CARD14: variants seen among roughly 807,000 people sequenced by gnomAD.
The protein encoded by CARD14 is caspase recruitment domain-containing protein 14.
In CARD14, 107 loss-of-function variants were observed where a neutral mutation model predicts 111.5. That is an observed-to-expected ratio of 0.96 (90% confidence interval 0.82 to 1.13). The LOEUF (loss-of-function observed/expected upper bound fraction) is 1.13, where lower values mean the gene tolerates loss of function less well. CARD14 is among the 50% of genes most tolerant of loss of function. CARD14 has a pLI of 0.00. For synonymous variants in CARD14, 617 were observed against 579.6 expected, an observed-to-expected ratio of 1.06 and a Z score of -0.93; for missense variants, 1,322 against 1,362.3, an observed-to-expected ratio of 0.97 and a Z score of 0.47.
In CARD14 at chr17:80,198,708, G is replaced by A; in HGVS notation, c.1851+117G>A. 1 of 1,591,488 alleles carries A rather than the reference G, an allele frequency of 6.3e-7. No individual in the cohort carries two copies. Among genetic ancestry groups the A allele is most frequent in the African/African-American group, 1.3e-5 (1 of 74,704 alleles). On this transcript the variant is annotated intron_variant, in intron 16 of 23. Coordinates refer to ENST00000648509, the MANE Select transcript of CARD14 (RefSeq NM_001366385.1). The surrounding 1 kb of genome is among the most constrained non-coding windows in gnomAD (Gnocchi z 7.5). ...GACGATGCAGATCCACTCTGGGCTG[G>A]GCCTCTGCTCTTTCCTGGGCTGACG...
At chr17:80,204,176 TG>T (rs1306481380) in intron 19 of CARD14, 50 bp from the exon 20 acceptor site, 1 of 1,518,438 alleles carries the variant, frequency 6.6e-7, no homozygotes, top group South Asian at 1.3e-5. Flanking sequence ...TTCCCATTCC[TG>T]TTGATGGCTT....
chr17:80,186,970 A>G (rs1177328030), intron 7 of CARD14, among the ~76,000 whole-genome samples: 1 of 152,264 alleles, frequency 6.6e-6, no homozygotes, highest in Non-Finnish European at 1.5e-5. Flanking sequence ...GTATGGACAT[A>G]TACATACACA....
At chr17:80,176,148 G>A (rs867202054) in intron 2 of CARD14, among the ~76,000 whole-genome samples, 2 of 146,798 alleles carry the variant, frequency 1.4e-5, no homozygotes, top group African/African-American at 5.0e-5. Flanking sequence ...TATAACTCAC[G>A]GCCAAACACA....
chr17:80,204,433 G>A, intron 20 of CARD14, 92 bp downstream of exon 20: 1 of 1,257,046 alleles, frequency 8.0e-7, no homozygotes, highest in Non-Finnish European at 1.1e-6. Flanking sequence ...GGGGCAGGGG[G>A]ATGCCACTCA....
chr17:80,171,850 T>C (rs1336347616), intron 1 of CARD14, among the ~76,000 whole-genome samples: 2 of 152,166 alleles, frequency 1.3e-5, no homozygotes, highest in African/African-American at 4.8e-5. Context: ...CAGACCCTCC[T>C]CAGGAGTCTT....
intron 16 of CARD14, among the ~76,000 whole-genome samples, chr17:80,199,688 G>A (rs946380824): frequency 6.6e-6 from 1 of 150,444 alleles, no homozygotes; most frequent in Admixed American, 6.6e-5. Flanking sequence ...AGACCAGCCT[G>A]GACAACATGG....
chr17:80,190,625 AAAAAG>A, intron 9 of CARD14, 144 bp from the exon 10 acceptor site: 25 of 870,392 alleles, frequency 2.9e-5, no homozygotes, highest in South Asian at 7.5e-5. Context: ...AAAAAAAAAA[AAAAAG>A]AGAGAGAGAG....
chr17:80,205,655 G>A lies in CARD14; in HGVS notation c.2691+3G>A. On this transcript the variant is annotated splice_donor_region_variant and intron_variant, in intron 22 of 23. Coordinates refer to ENST00000648509, the MANE Select transcript of CARD14 (RefSeq NM_001366385.1). ...CTGTGGAGTCCCTCATGGAAAAGGT[G>A]AGGTCAAGGGCGGGGTGGGCAGGGG... 3 of 1,543,464 alleles carry A rather than the reference G, an allele frequency of 1.9e-6. No homozygotes were observed. The highest frequency in any genetic ancestry group is 1.2e-5 in the South Asian group (1 of 82,506).
intron 7 of CARD14, among the ~76,000 whole-genome samples, chr17:80,186,237 A>G (rs1291660758): frequency 6.6e-6 from 1 of 151,648 alleles, no homozygotes. Flanking sequence ...AGGCCAGCCC[A>G]CTTTGCTGCT....
In CARD14 at chr17:80,195,728, G is replaced by C. The variant is rs749755122; in HGVS notation, c.1594+76G>C. On this transcript the variant is annotated intron_variant, in intron 14 of 23. Transcript: ENST00000648509. The surrounding 1 kb of genome is among the most constrained non-coding windows in gnomAD (Gnocchi z 4.7). The stretch of plus-strand genomic sequence containing the variant: ...GAGCAGGGAGCTGATGAGAAAGCCG[G>C]GGCCTCTCTCCAGGGAAAGGGCAGA... 2.3e-4 allele frequency: 288 copies of C among 1,258,930 alleles called. No homozygotes were observed. The highest frequency in any genetic ancestry group is 2.5e-4 in the Non-Finnish European group (225 of 892,874). 78.0% of individuals were successfully genotyped at this position (1,258,930 alleles called of 1,614,324 possible). A position where few individuals can be genotyped will look rare whatever the true frequency, so the allele number is the denominator to read the frequency against.
At chr17:80,190,630 G>A (rs1217210186) in intron 9 of CARD14, 144 bp from the exon 10 acceptor site, 26 of 624,586 alleles carry the variant, frequency 4.2e-5, no homozygotes, top group Admixed American at 1.2e-4. Context: ...AAAAAAAAAA[G>A]AGAGAGAGAG....
chr17:80,184,252 C>G lies in CARD14; in HGVS notation c.675+14C>G. The G allele has an allele frequency of 6.7e-7, 1 of 1,498,920 alleles. No individual in the cohort carries two copies. The highest frequency in any genetic ancestry group is 8.9e-7 in the Non-Finnish European group (1 of 1,118,858). 92.9% of individuals were successfully genotyped at this position (1,498,920 alleles called of 1,614,324 possible). On this transcript the variant is annotated intron_variant, in intron 7 of 23. Transcript: ENST00000648509. Reference sequence around the variant, plus strand: ...CTGCAGGAGGAGGTAGGGGGACACCCTGCACCCCGGCGCGACCCTGCTGTC... The same window carrying G: ...CTGCAGGAGGAGGTAGGGGGACACCGTGCACCCCGGCGCGACCCTGCTGTC...
At position 80,207,333 on chromosome 17, in the gene CARD14, T is replaced by C. The variant is rs6565646; in HGVS notation, c.2807+248T>C. The stretch of plus-strand genomic sequence containing the variant: ...TGGGAGGCCAGGGTGGGCAGATTGC[T>C]TGAGGTCAGCAGTTCGAGACCAGCC... On this transcript the variant is annotated intron_variant, in intron 23 of 23. Transcript: ENST00000648509. 0.68 allele frequency among the ~76,000 whole-genome samples: 102,858 copies of C among 151,900 alleles called. 35,179 individuals are homozygous for C. The highest frequency in any genetic ancestry group is 0.77 in the African/African-American group (31,995 of 41,490).
At chr17:80,186,928 T>C (rs886373668) in intron 7 of CARD14, among the ~76,000 whole-genome samples, 13 of 152,316 alleles carry the variant, frequency 8.5e-5, no homozygotes, top group African/African-American at 3.1e-4. Context: ...CTCAGCCCTT[T>C]CAGGGGACAG....
chr17:80,186,957 CAT>C (rs1224732601), intron 7 of CARD14, among the ~76,000 whole-genome samples: 7 of 152,244 alleles, frequency 4.6e-5, no homozygotes, highest in Non-Finnish European at 8.8e-5. Context: ...AACACACACA[CAT>C]GTATGGACAT....
At chr17:80,187,226 C>T (rs775599812) in intron 7 of CARD14, among the ~76,000 whole-genome samples, 2 of 152,194 alleles carry the variant, frequency 1.3e-5, no homozygotes, top group Non-Finnish European at 2.9e-5. Flanking sequence ...CATCTCAAAT[C>T]GTTTCAGAAT....
At chr17:80,187,887 C>T in intron 7 of CARD14, 1 of 985,620 alleles carries the variant, frequency 1.0e-6, no homozygotes, top group Non-Finnish European at 1.2e-6. Flanking sequence ...AACACAGGAG[C>T]TTTGCTGTCT....
At chr17:80,194,743 G>A (rs2040649245) in intron 12 of CARD14, among the ~76,000 whole-genome samples, 1 of 152,146 alleles carries the variant, frequency 6.6e-6, no homozygotes, top group African/African-American at 2.4e-5. Context: ...ATCAGATCTT[G>A]TGAGAACTCA....
At chr17:80,176,629 C>T (rs1195409155) in intron 2 of CARD14, among the ~76,000 whole-genome samples, 3 of 152,170 alleles carry the variant, frequency 2.0e-5, no homozygotes, top group African/African-American at 7.2e-5. Context: ...AGACAGGGGG[C>T]CTGAAGACCC....
Sources: allele counts gnomAD v4.1 joint callset (sites outside exome capture counted in the v4.1 genomes callset), GRCh38; gene constraint gnomAD v4.1.1; non-coding constraint Gnocchi (gnomAD v3.1); transcripts MANE v1.5; gene names NCBI Gene and HGNC (gene_info 2026-07-23, HGNC 2026-07-21).